The following MAGEC1 variants were observed in gnomAD, a reference collection of about 807,000 sequenced individuals.
The protein encoded by MAGEC1 is melanoma-associated antigen C1.
MAGEC1 carries 3 observed loss-of-function variants against 1.5 expected under a neutral mutation model. The observed-to-expected ratio is 1.97, with a 90% CI of 0.90 to 5.10. The LOEUF is 5.10. Among genes scored for constraint, MAGEC1 ranks in the 30% most tolerant of loss-of-function variants. The pLI, the probability that MAGEC1 is intolerant of heterozygous loss-of-function variation, is 0.02. For missense variants in MAGEC1, 985 were observed against 803.1 expected (o/e 1.23, Z -2.74); for synonymous variants, 357 against 310.4 (o/e 1.15, Z -1.58).
At position 141,907,920 on chromosome X, in the gene MAGEC1, C is replaced by T. The variant is rs865946274; in HGVS notation, c.2516C>T (p.Ser839Leu). Reference sequence around the variant, plus strand: ...GTGAGCTCCTTCCCCTCCTCCACTTCATCGAGTCTTTCCAAGAGTTCCCCT... The same window carrying T: ...GTGAGCTCCTTCCCCTCCTCCACTTTATCGAGTCTTTCCAAGAGTTCCCCT... ...SPVSSFPSST[S>L]SSLSKSSPES... Residue 839 changes from serine to leucine, a missense_variant, in exon 4 of 4, where the codon TCA (serine) becomes TTA (leucine). By Grantham distance (145) the Ser-to-Leu change is moderately radical. Coordinates refer to ENST00000285879, the MANE Select transcript of MAGEC1 (RefSeq NM_005462.5). The T allele has an allele frequency of 8.3e-7, 1 of 1,210,445 alleles. No homozygotes were observed. The highest frequency in any genetic ancestry group is 1.7e-5 in the African/African-American group (1 of 57,471).
Position 141,907,745 on chromosome X carries a change from T to C in MAGEC1, c.2341T>C (p.Ser781Pro). 2 of 1,207,870 alleles carry C rather than the reference T, an allele frequency of 1.7e-6. No individual in the cohort carries two copies. The highest frequency in any genetic ancestry group is 3.5e-5 in the South Asian group (2 of 56,588). The change falls in exon 4 of 4, where the codon TCC becomes CCC. Residue 781 changes from serine (S) to proline (P), a missense_variant. Transcript: ENST00000285879. ...AQSPLQRPVS[S>P]FFSYTLASLL... ...GTCTCCTCTCCAGAGACCTGTCAGC[T>C]CCTTCTTCTCCTACACTTTAGCGAG...
At position 141,908,232 on chromosome X, in the gene MAGEC1, C is replaced by G. The variant is rs138322239; in HGVS notation, c.2828C>G (p.Thr943Arg). 3.3e-6 allele frequency: 4 copies of G among 1,211,535 alleles called. No homozygotes were observed. The highest frequency in any genetic ancestry group is 2.3e-4 in the Middle Eastern group (1 of 4,353). The change falls in exon 4 of 4, where the codon ACG becomes AGG. Residue 943 changes from threonine to arginine, a missense_variant. Coordinates refer to ENST00000285879, the MANE Select transcript of MAGEC1 (RefSeq NM_005462.5). ...CTGACGAATGTCATCAGCAGGTACA[C>G]GGGCTACTTTCCTGTGATCTTCAGG... ...EMLTNVISRY[T>R]GYFPVIFRKA...
chrX:141,907,423 A>C lies in MAGEC1; in HGVS notation c.2019A>C (p.Gln673His). The change falls in exon 4 of 4, where the codon CAA becomes CAC. Residue 673 changes from glutamine to histidine, a missense_variant. Coordinates refer to ENST00000285879, the MANE Select transcript of MAGEC1 (RefSeq NM_005462.5). ...PQSPPEGMHS[Q>H]SPLQSPESAP... ...GCCCTCCTGAGGGGATGCACTCCCAATCTCCTCTCCAGAGTCCTGAGAGTG... is the reference window on the plus strand; with the variant it reads ...GCCCTCCTGAGGGGATGCACTCCCACTCTCCTCTCCAGAGTCCTGAGAGTG... 1 of 1,182,564 alleles carries C rather than the reference A, an allele frequency of 8.5e-7. No individual in the cohort carries two copies. Among genetic ancestry groups the C allele is most frequent in the Non-Finnish European group, 1.1e-6 (1 of 880,800 alleles).
In MAGEC1 at chrX:141,908,456, G is replaced by T. The variant is rs778042504; in HGVS notation, c.3052G>T (p.Val1018Phe). 1.2e-5 allele frequency: 14 copies of T among 1,206,539 alleles called. No individual in the cohort carries two copies. The African/African-American group carries it at 2.5e-4, about 21-fold the overall frequency. Reference sequence around the variant, plus strand: ...AAAGGGCACCTATGCCTCTGAGGAGGTCATCTGGGATGTGCTGAGTGGAAT... The same window carrying T: ...AAAGGGCACCTATGCCTCTGAGGAGTTCATCTGGGATGTGCTGAGTGGAAT... ...FIKGTYASEE[V>F]IWDVLSGIGV... is the part of the protein sequence containing the mutation. Residue 1018 changes from valine to phenylalanine, a missense_variant, in exon 4 of 4, where the codon GTC becomes TTC. Coordinates refer to ENST00000285879, the MANE Select transcript of MAGEC1 (RefSeq NM_005462.5).
At position 141,905,951 on chromosome X, in the gene MAGEC1, C is replaced by T. The variant is rs770420459; in HGVS notation, c.547C>T (p.Pro183Ser). ...TTTAGTGAGTATTTTCCAGAGTTCC[C>T]CTGAGAGTACTCAAAGTCCTTTTGA... ...STLVSIFQSS[P>S]ESTQSPFEGF... The change falls in exon 4 of 4, where the codon CCT becomes TCT. Residue 183 changes from proline (P) to serine (S), a missense_variant. By Grantham distance (74) the Pro-to-Ser change is moderately conservative. Coordinates refer to ENST00000285879, the MANE Select transcript of MAGEC1 (RefSeq NM_005462.5). 11 of 1,203,851 alleles carry T rather than the reference C, an allele frequency of 9.1e-6. No individual in the cohort carries two copies. The highest frequency in any genetic ancestry group is 6.0e-5 in the East Asian group (2 of 33,424).
Position 141,907,982 on chromosome X carries a change from TC to T in MAGEC1, c.2580del (p.Ser861ProfsTer4), listed in dbSNP as rs1927001232. ...PLQSPVISFS[S>X]STSLSPFSEE... Reference sequence around the variant, plus strand: ...CCAGAGTCCTGTGATCTCCTTCTCCTCCTCCACTTCATTGAGCCCATTCAGT... The same window carrying T: ...CCAGAGTCCTGTGATCTCCTTCTCCTCTCCACTTCATTGAGCCCATTCAGT... On this transcript the variant is annotated frameshift_variant, in exon 4 of 4. Transcript: ENST00000285879. LOFTEE classifies it low-confidence loss of function (END_TRUNC). 2 of 1,210,023 alleles carry T rather than the reference TC, an allele frequency of 1.7e-6. No individual in the cohort carries two copies. Among genetic ancestry groups the T allele is most frequent in the African/African-American group, 3.5e-5 (2 of 57,117 alleles).
chrX:141,908,031 A>G lies in MAGEC1; in HGVS notation c.2627A>G (p.Asp876Gly), dbSNP rs1927004519. ...AGTGAAGAGTCCAGCAGCCCAGTAG[A>G]TGAATATACAAGTTCCTCAGACACC... ...PFSEESSSPV[D>G]EYTSSSDTLL... Residue 876 changes from aspartate (D) to glycine (G), a missense_variant, in exon 4 of 4, where the codon GAT becomes GGT. Physicochemically the swap from Asp to Gly is moderately conservative, Grantham distance 94. Transcript: ENST00000285879. 1.7e-6 allele frequency: 2 copies of G among 1,211,863 alleles called. No homozygotes were observed. The highest frequency in any genetic ancestry group is 2.2e-6 in the Non-Finnish European group (2 of 895,483).
Position 141,907,471 on chromosome X carries a change from G to A in MAGEC1, c.2067G>A (p.Leu689=). Residue 689 remains leucine, a synonymous_variant, in exon 4 of 4, where the codon CTG becomes CTA. Coordinates refer to ENST00000285879, the MANE Select transcript of MAGEC1 (RefSeq NM_005462.5). ...GTGCTCCTGAGGGGGAGGATTCCCT[G>A]TCTCCTCTCCAAATTCCTCAGAGTC... The part of the protein sequence containing the change: ...PESAPEGEDS[L]SPLQIPQSPL... The A allele has an allele frequency of 8.3e-7, 1 of 1,205,501 alleles. No individual in the cohort carries two copies. Among genetic ancestry groups the A allele is most frequent in the Non-Finnish European group, 1.1e-6 (1 of 893,072 alleles).
chrX:141,905,908 C>T lies in MAGEC1; in HGVS notation c.504C>T (p.Ser168=), dbSNP rs763829131. 4 of 1,192,621 alleles carry T rather than the reference C, an allele frequency of 3.4e-6. No homozygotes were observed. Among genetic ancestry groups the T allele is most frequent in the Admixed American group, 2.2e-5 (1 of 44,623 alleles). The change falls in exon 4 of 4, where the codon AGC becomes AGT. Residue 168 remains serine, a synonymous_variant. Transcript: ENST00000285879. ...AGTCTGTTCTCCAGATTCCTGTGAG[C>T]GCCGCCTCCTCCTCCACTTTAGTGA... The part of the protein sequence containing the change: ...FPQSVLQIPV[S]AASSSTLVSI...
Position 141,906,436 on chromosome X carries a change from C to G in MAGEC1, c.1032C>G (p.Ser344=). Residue 344 remains serine (S), a synonymous_variant, in exon 4 of 4, where the codon TCC becomes TCG. Transcript: ENST00000285879. Reference sequence around the variant, plus strand: ...CTCTTCTCCAGATTCCTATGACCTCCTCCTTCTCCTCTACTTTATTGAGTA... The same window carrying G: ...CTCTTCTCCAGATTCCTATGACCTCGTCCTTCTCCTCTACTTTATTGAGTA... ...PQSLLQIPMT[S]SFSSTLLSIF... The G allele has an allele frequency of 3.3e-6, 4 of 1,202,730 alleles. No homozygotes were observed. The highest frequency in any genetic ancestry group is 4.5e-6 in the Non-Finnish European group (4 of 889,965).
In MAGEC1 at chrX:141,908,973, T is replaced by C; in HGVS notation, c.*140T>C. ...TGGGTAGTTATGGGGTTTACCTGTT[T>C]TACTTTTGGGTATTTTTCAAATGCT... On this transcript the variant is annotated 3_prime_UTR_variant, in exon 4 of 4. Coordinates refer to ENST00000285879, the MANE Select transcript of MAGEC1 (RefSeq NM_005462.5). 4.4e-6 allele frequency: 2 copies of C among 458,576 alleles called. No individual in the cohort carries two copies. The highest frequency in any genetic ancestry group is 6.8e-6 in the Non-Finnish European group (2 of 294,810). The allele number at this position is 458,576 out of a possible 1,213,427, so 37.8% of individuals were successfully genotyped here. A position where few individuals can be genotyped will look rare whatever the true frequency, so the allele number is the denominator to read the frequency against.
chrX:141,905,196 C>G, intron 3 of MAGEC1, 120 bp downstream of exon 3: 2 of 1,086,289 alleles, frequency 1.8e-6, no homozygotes, highest in Non-Finnish European at 2.6e-6. Context: ...TTCATCATGC[C>G]TCTCTTTCTA....
At position 141,908,365 on chromosome X, in the gene MAGEC1, T is replaced by A; in HGVS notation, c.2961T>A (p.Cys987Ter). ...CATTAGACCTCACCTCTGAGGGGTG[T>A]CTGAGTGATGAGCAGGGCATGTCCC... ...VNTLDLTSEG[C>*]LSDEQGMSQN... The change falls in exon 4 of 4, where the codon TGT (cysteine) becomes TGA (stop). Residue 987 changes from cysteine (C) to a stop codon, truncating the protein, a stop_gained. Coordinates refer to ENST00000285879, the MANE Select transcript of MAGEC1 (RefSeq NM_005462.5). LOFTEE classifies it low-confidence loss of function (END_TRUNC). 8.3e-7 allele frequency: 1 copy of A among 1,211,357 alleles called. No homozygotes were observed. Among genetic ancestry groups the A allele is most frequent in the Admixed American group, 2.2e-5 (1 of 45,975 alleles).
In MAGEC1 at chrX:141,907,399, C is replaced by A; in HGVS notation, c.1995C>A (p.Ser665Arg). 1 of 1,203,104 alleles carries A rather than the reference C, an allele frequency of 8.3e-7. No homozygotes were observed. Among genetic ancestry groups the A allele is most frequent in the Non-Finnish European group, 1.1e-6 (1 of 891,322 alleles). Residue 665 changes from serine to arginine, a missense_variant, in exon 4 of 4, where the codon AGC (serine) becomes AGA (arginine). Coordinates refer to ENST00000285879, the MANE Select transcript of MAGEC1 (RefSeq NM_005462.5). ...AGTCTCCTCTCCATAGTCCTCAGAG[C>A]CCTCCTGAGGGGATGCACTCCCAAT... Reference protein sequence around the residue: ...PVQSPLHSPQSPPEGMHSQSP... With the variant: ...PVQSPLHSPQRPPEGMHSQSP...
In MAGEC1 at chrX:141,906,700, A is replaced by G. The variant is rs575139242; in HGVS notation, c.1296A>G (p.Gln432=). 10 of 1,193,010 alleles carry G rather than the reference A, an allele frequency of 8.4e-6. No individual in the cohort carries two copies. Among genetic ancestry groups the G allele is most frequent in the African/African-American group, 7.6e-5 (4 of 52,288 alleles). The stretch of plus-strand genomic sequence containing the variant: ...TACAGAGTTCTCCTGAGAGTGCTCA[A>G]AGTGCTTTTGAGGGTTTTCCCCAGT... ...SILQSSPESA[Q]SAFEGFPQSP... is the part of the protein sequence containing the mutation. The change falls in exon 4 of 4, where the codon CAA becomes CAG. Residue 432 remains glutamine, a synonymous_variant. Coordinates refer to ENST00000285879, the MANE Select transcript of MAGEC1 (RefSeq NM_005462.5).
chrX:141,907,668 T>C lies in MAGEC1; in HGVS notation c.2264T>C (p.Leu755Pro). The C allele has an allele frequency of 8.3e-7, 1 of 1,207,878 alleles. No homozygotes were observed. Among genetic ancestry groups the C allele is most frequent in the Non-Finnish European group, 1.1e-6 (1 of 893,818 alleles). ...TGCTCCTCCTCCACTTCTTTGAGTC[T>C]TCCCCAGAGTTTCCCTGAGAGTCCT... ...SICSSSTSLSLPQSFPESPQS... is the reference protein window; with the variant it reads ...SICSSSTSLSPPQSFPESPQS... Residue 755 changes from leucine to proline, a missense_variant, in exon 4 of 4, where the codon CTT becomes CCT. Physicochemically the swap from Leu to Pro is moderately conservative, Grantham distance 98 (BLOSUM62 -3). Coordinates refer to ENST00000285879, the MANE Select transcript of MAGEC1 (RefSeq NM_005462.5).
Position 141,908,436 on chromosome X carries a change from G to A in MAGEC1, c.3032G>A (p.Gly1011Asp). The change falls in exon 4 of 4, where the codon GGC (glycine) becomes GAC (aspartate). Residue 1011 changes from glycine to aspartate, a missense_variant. Gly to Asp is a moderately conservative substitution (Grantham distance 94). Coordinates refer to ENST00000285879, the MANE Select transcript of MAGEC1 (RefSeq NM_005462.5). ...ILILSIIFIKGTYASEEVIWD... is the reference protein window; with the variant it reads ...ILILSIIFIKDTYASEEVIWD... ...ATTCTGAGTATCATCTTCATAAAGGGCACCTATGCCTCTGAGGAGGTCATC... is the reference window on the plus strand; with the variant it reads ...ATTCTGAGTATCATCTTCATAAAGGACACCTATGCCTCTGAGGAGGTCATC... 1 of 1,210,452 alleles carries A rather than the reference G, an allele frequency of 8.3e-7. No individual in the cohort carries two copies. Among genetic ancestry groups the A allele is most frequent in the Middle Eastern group, 2.3e-4 (1 of 4,332 alleles).
In MAGEC1 at chrX:141,907,829, C is replaced by G; in HGVS notation, c.2425C>G (p.Pro809Ala). 8.3e-7 allele frequency: 1 copy of G among 1,211,275 alleles called. No individual in the cohort carries two copies. Among genetic ancestry groups the G allele is most frequent in the Non-Finnish European group, 1.1e-6 (1 of 895,320 alleles). Residue 809 changes from proline to alanine, a missense_variant, in exon 4 of 4, where the codon CCT becomes GCT. Physicochemically the swap from Pro to Ala is conservative, Grantham distance 27. Transcript: ENST00000285879. ...QSPPEGPAQS[P>A]LQSPVSSFPS... ...TCCTCCTGAGGGGCCTGCCCAGTCT[C>G]CTCTCCAGAGTCCTGTGAGCTCCTT... is the stretch of plus-strand genomic sequence containing the variant.
In MAGEC1 at chrX:141,906,371, C is replaced by T. The variant is rs57166116; in HGVS notation, c.967C>T (p.Pro323Ser). 1.2e-3 allele frequency: 1,330 copies of T among 1,118,898 alleles called. 25 individuals carry two copies. The African/African-American group carries it at 0.02, about 17-fold the overall frequency. The allele number at this position is 1,118,898 out of a possible 1,213,427, so 92.2% of individuals were successfully genotyped here. A position where few individuals can be genotyped will look rare whatever the true frequency, so the allele number is the denominator to read the frequency against. ...STLLSLFQSS[P>S]ERTHSTFEGF... Reference sequence around the variant, plus strand: ...TTTATTGAGTCTTTTCCAGAGTTCCCCTGAGAGAACTCACAGTACTTTTGA... The same window carrying T: ...TTTATTGAGTCTTTTCCAGAGTTCCTCTGAGAGAACTCACAGTACTTTTGA... The change falls in exon 4 of 4, where the codon CCT becomes TCT. Residue 323 changes from proline (P) to serine (S), a missense_variant. Physicochemically the swap from Pro to Ser is moderately conservative, Grantham distance 74 (BLOSUM62 -1). Transcript: ENST00000285879.
Sources: gnomAD v4.1 joint callset for allele counts on GRCh38, gnomAD v4.1.1 for gene constraint, MANE v1.5 for transcripts, NCBI Gene and HGNC (gene_info 2026-07-23, HGNC 2026-07-21) for gene names.